Variants in TEK observed in about 807,000 individuals in gnomAD.
TEK encodes TEK receptor tyrosine kinase.
A neutral mutation model predicts 131.8 loss-of-function variants in TEK; 43 were observed. The ratio of observed to expected loss-of-function variants is 0.33; its 90% CI spans 0.26 to 0.42. TEK has a LOEUF of 0.42. TEK is among the 10% of genes least tolerant of loss of function. The pLI, the probability that TEK is intolerant of heterozygous loss-of-function variation, is 1.00. For missense variants in TEK, 1,162 were observed against 1,384.4 expected, an observed-to-expected ratio of 0.84 and a Z score of 2.55; for synonymous variants, 580 against 491.6, an observed-to-expected ratio of 1.18 and a Z score of -2.38.
At chr9:27,116,421 T>C (rs1017438621) in intron 1 of TEK, among the ~76,000 whole-genome samples, 18 of 152,090 alleles carry the variant, frequency 1.2e-4, no homozygotes, top group African/African-American at 4.1e-4. Context: ...CCTGAATAAC[T>C]GGGATTATAG....
chr9:27,138,613 A>G (rs1170800265), intron 1 of TEK, among the ~76,000 whole-genome samples: 1 of 152,174 alleles, frequency 6.6e-6, no homozygotes, highest in East Asian at 1.9e-4. Context: ...TGATTTATTT[A>G]TATTCAGTAG....
At chr9:27,167,543 G>A (rs990919502) in intron 2 of TEK, among the ~76,000 whole-genome samples, 10 of 152,078 alleles carry the variant, frequency 6.6e-5, no homozygotes, top group African/African-American at 2.4e-5. Context: ...TTATGATTTT[G>A]TAAGTCAAAT....
chr9:27,228,532 C>A (rs564606579), intron 22 of TEK, among the ~76,000 whole-genome samples: 1 of 152,190 alleles, frequency 6.6e-6, no homozygotes, highest in East Asian at 1.9e-4. Flanking sequence ...GAATAACATA[C>A]AGAATTAGCC....
chr9:27,189,438 T>A (rs937377730), intron 9 of TEK, among the ~76,000 whole-genome samples: 8 of 152,210 alleles, frequency 5.3e-5, no homozygotes, highest in Admixed American at 3.9e-4. Flanking sequence ...CATTGTAATA[T>A]CTAAAATTTT....
At chr9:27,227,314 G>A (rs906634790) in intron 21 of TEK, among the ~76,000 whole-genome samples, 2 of 152,180 alleles carry the variant, frequency 1.3e-5, no homozygotes, top group African/African-American at 4.8e-5. Context: ...TCTTAGGTCA[G>A]TGTTTCCCAA....
intron 1 of TEK, among the ~76,000 whole-genome samples, chr9:27,141,688 G>A (rs1237253356): frequency 2.0e-5 from 3 of 152,042 alleles, no homozygotes; most frequent in Non-Finnish European, 4.4e-5. Context: ...CTCATCTTTA[G>A]TGGGAAGTTG....
At chr9:27,203,210 A>ATT in intron 13 of TEK, 91 bp downstream of exon 13, 4 of 1,449,398 alleles carry the variant, frequency 2.8e-6, no homozygotes, top group Non-Finnish European at 3.9e-6. Flanking sequence ...ATGAAAGCCT[A>ATT]TGAAAAGTCG....
Position 27,172,760 on chromosome 9 carries a change from A to G in TEK, c.760+13A>G. The G allele has an allele frequency of 1.2e-6, 2 of 1,613,152 alleles. No individual in the cohort carries two copies. Among genetic ancestry groups the G allele is most frequent in the Non-Finnish European group, 1.7e-6 (2 of 1,179,396 alleles). On this transcript the variant is annotated intron_variant, in intron 5 of 22. Transcript: ENST00000380036. ...ACGTGTGAGAAGGGTAAGTAAAGAGACTTGATAAGTAAGCTGTGGATTTAA... is the reference window on the plus strand; with the variant it reads ...ACGTGTGAGAAGGGTAAGTAAAGAGGCTTGATAAGTAAGCTGTGGATTTAA...
intron 21 of TEK, among the ~76,000 whole-genome samples, chr9:27,225,387 C>G (rs10967784): frequency 0.35 from 53,433 of 151,816 alleles, 9,618 homozygotes; most frequent in African/African-American, 0.41. Context: ...GGTACTAAAA[C>G]AGATATATAG....
chr9:27,191,217 A>C (rs893132088), intron 10 of TEK, among the ~76,000 whole-genome samples: 6 of 152,108 alleles, frequency 3.9e-5, no homozygotes, highest in African/African-American at 1.4e-4. Flanking sequence ...GGGCTGTGGC[A>C]GACTGGAATG....
chr9:27,111,240 TA>T (rs1186070914), intron 1 of TEK, among the ~76,000 whole-genome samples: 1 of 256 alleles, frequency 3.9e-3, no homozygotes, highest in Non-Finnish European at 6.4e-3. Flanking sequence ...GGAGAGGAAG[TA>T]GGTTCATGTT....
Position 27,123,362 on chromosome 9 carries a change from G to C in TEK, c.52+13720G>C, listed in dbSNP as rs1020583469. Among the ~76,000 whole-genome samples, 5 of 152,278 alleles carry C rather than the reference G, an allele frequency of 3.3e-5. No individual in the cohort carries two copies. In the South Asian group the frequency reaches 1.0e-3, roughly 32 times the overall value. On this transcript the variant is annotated intron_variant, in intron 1 of 22. Coordinates refer to ENST00000380036, the MANE Select transcript of TEK (RefSeq NM_000459.5). ...CAAGGTACTAAAAGGATATGCGGGGGTGTAAAGGGAGTAAGGAAAGAGCTC... is the reference window on the plus strand; with the variant it reads ...CAAGGTACTAAAAGGATATGCGGGGCTGTAAAGGGAGTAAGGAAAGAGCTC...
At chr9:27,224,668 C>T (rs1373668654) in intron 21 of TEK, among the ~76,000 whole-genome samples, 1 of 152,146 alleles carries the variant, frequency 6.6e-6, no homozygotes, top group African/African-American at 2.4e-5. Flanking sequence ...TGGACAAAAG[C>T]TGGAAGCATT....
chr9:27,172,234 C>G (rs1488469254), intron 4 of TEK, among the ~76,000 whole-genome samples: 3 of 152,180 alleles, frequency 2.0e-5, no homozygotes, highest in African/African-American at 7.2e-5. Flanking sequence ...CAGCCTGTAA[C>G]CATACCTGCA....
At chr9:27,115,666 A>G (rs927294557) in intron 1 of TEK, among the ~76,000 whole-genome samples, 3 of 152,236 alleles carry the variant, frequency 2.0e-5, no homozygotes, top group East Asian at 1.9e-4. Flanking sequence ...GAATATTGCC[A>G]AAAGTCAGGT....
rs1031698859 is a variant in TEK at position 27,109,439 on chromosome 9, C to A, written c.-152C>A. The A allele has an allele frequency of 6.3e-6, 5 of 788,000 alleles. No homozygotes were observed. In the African/African-American group the frequency reaches 6.9e-5, roughly 11 times the overall value. 48.8% of individuals were successfully genotyped at this position (788,000 alleles called of 1,614,324 possible). ...TCAGACAGAAATGAGACTGTTACAGCCTGCTTCTGTGCTGTTCCTTCTTGC... is the reference window on the plus strand; with the variant it reads ...TCAGACAGAAATGAGACTGTTACAGACTGCTTCTGTGCTGTTCCTTCTTGC... On this transcript the variant is annotated 5_prime_UTR_variant, in exon 1 of 23. Coordinates refer to ENST00000380036, the MANE Select transcript of TEK (RefSeq NM_000459.5).
At chr9:27,139,212 CA>C (rs746301649) in intron 1 of TEK, among the ~76,000 whole-genome samples, 24 of 57,406 alleles carry the variant, frequency 4.2e-4, no homozygotes, top group East Asian at 2.0e-3. Flanking sequence ...GACTCTGTCT[CA>C]AAAAAAAAAA....
intron 1 of TEK, among the ~76,000 whole-genome samples, chr9:27,128,460 G>A (rs1822079215): frequency 6.6e-6 from 1 of 152,096 alleles, no homozygotes; most frequent in Admixed American, 6.6e-5. Flanking sequence ...GGCTATGCGG[G>A]CTCTTTTTTG....
At chr9:27,187,916 C>A (rs1411766765) in intron 9 of TEK, among the ~76,000 whole-genome samples, 1 of 152,140 alleles carries the variant, frequency 6.6e-6, no homozygotes, top group Non-Finnish European at 1.5e-5. Context: ...TTAATTACTT[C>A]TTTAAAGGCC....
Sources: gnomAD v4.1 joint callset for allele counts (sites outside exome capture counted in the v4.1 genomes callset) on GRCh38, gnomAD v4.1.1 for gene constraint, MANE v1.5 for transcripts, NCBI Gene and HGNC (gene_info 2026-07-23, HGNC 2026-07-21) for gene names.